Variants in TOP6BL observed in about 807,000 individuals in gnomAD.
The protein encoded by TOP6BL is TOP6B like initiator of meiotic double strand breaks.
At chr11:66,828,305 G>T in the TOP6BL span, 1 of 1,613,716 alleles carries the variant, frequency 6.2e-7, no homozygotes, top group Non-Finnish European at 8.5e-7. Context: ...ACTGCACAAA[G>T]TATTTCGTGA....
the TOP6BL span, among the ~76,000 whole-genome samples, chr11:66,773,494 T>G: frequency 6.6e-6 from 1 of 152,182 alleles, no homozygotes; most frequent in Non-Finnish European, 1.5e-5. Flanking sequence ...TCTAGCAATA[T>G]CCTCTTTCTT....
chr11:66,820,116 G>A, the TOP6BL span, among the ~76,000 whole-genome samples: 1 of 152,110 alleles, frequency 6.6e-6, no homozygotes, highest in African/African-American at 2.4e-5. Context: ...CAACATACCT[G>A]TGAGAGCAGG....
chr11:66,824,836 C>A, the TOP6BL span, among the ~76,000 whole-genome samples: 9 of 152,012 alleles, frequency 5.9e-5, no homozygotes, highest in East Asian at 1.7e-3. Context: ...TTTCTTAATC[C>A]AGTCTATCAT....
chr11:66,813,062 C>G, the TOP6BL span, among the ~76,000 whole-genome samples: 1 of 152,142 alleles, frequency 6.6e-6, no homozygotes, highest in Admixed American at 6.6e-5. Flanking sequence ...TGGAGACAAT[C>G]CGAGGAAGTT....
chr11:66,780,567 TTTTA>T, the TOP6BL span, among the ~76,000 whole-genome samples: 1,220 of 152,166 alleles, frequency 8.0e-3, 20 homozygotes, highest in African/African-American at 0.027. Flanking sequence ...GCTTTATTGT[TTTTA>T]TTTATTTATT....
chr11:66,841,887 C>T, the TOP6BL span, among the ~76,000 whole-genome samples: 5 of 152,140 alleles, frequency 3.3e-5, no homozygotes, highest in African/African-American at 1.2e-4. Flanking sequence ...CCTTTCTCTC[C>T]CTTGTCTGGC....
At chr11:66,834,360 C>T in the TOP6BL span, among the ~76,000 whole-genome samples, 1 of 152,098 alleles carries the variant, frequency 6.6e-6, no homozygotes, top group Non-Finnish European at 1.5e-5. Context: ...TTGAGTAGAA[C>T]CCATGATTCT....
the TOP6BL span, among the ~76,000 whole-genome samples, chr11:66,768,093 G>T: frequency 6.6e-6 from 1 of 152,126 alleles, no homozygotes; most frequent in South Asian, 2.1e-4. Flanking sequence ...TGCCCAGCCT[G>T]TTTATTTTCA....
the TOP6BL span, among the ~76,000 whole-genome samples, chr11:66,769,833 C>T: frequency 3.3e-5 from 5 of 151,894 alleles, no homozygotes; most frequent in South Asian, 6.2e-4. Flanking sequence ...CTCCACCTCC[C>T]GGGTTCATGC....
the TOP6BL span, among the ~76,000 whole-genome samples, chr11:66,787,198 T>G: frequency 6.6e-6 from 1 of 151,968 alleles, no homozygotes; most frequent in African/African-American, 2.4e-5. Flanking sequence ...CCTCCCAAAG[T>G]GCTGGAATTA....
the TOP6BL span, among the ~76,000 whole-genome samples, chr11:66,745,463 G>GTGCTCGGGGAGC: frequency 6.6e-6 from 1 of 152,238 alleles, no homozygotes; most frequent in Non-Finnish European, 1.5e-5. Context: ...GGCCACACCT[G>GTGCTCGGGGAGC]TGCTCGGGGA....
At chr11:66,843,340 T>G in the TOP6BL span, 9 of 1,478,994 alleles carry the variant, frequency 6.1e-6, no homozygotes, top group Non-Finnish European at 8.0e-6. Flanking sequence ...CTTCCGCGTC[T>G]GCTTCCGCGT....
chr11:66,745,744 G>A, the TOP6BL span, among the ~76,000 whole-genome samples: 4 of 152,250 alleles, frequency 2.6e-5, no homozygotes, highest in Non-Finnish European at 4.4e-5. Context: ...TCATAGGCCA[G>A]TGTTCTTTTC....
the TOP6BL span, among the ~76,000 whole-genome samples, chr11:66,748,140 A>G: frequency 2.0e-5 from 3 of 152,086 alleles, no homozygotes; most frequent in African/African-American, 4.8e-5. Context: ...TATTGTCTCA[A>G]TTTCCTGTCT....
At chr11:66,791,726 T>C in the TOP6BL span, among the ~76,000 whole-genome samples, 1 of 152,118 alleles carries the variant, frequency 6.6e-6, no homozygotes, top group East Asian at 1.9e-4. Flanking sequence ...ATTCACTGCT[T>C]CTGTAGGTAT....
the TOP6BL span, among the ~76,000 whole-genome samples, chr11:66,752,416 A>G: frequency 2.0e-5 from 3 of 151,830 alleles, no homozygotes; most frequent in Non-Finnish European, 4.4e-5. Context: ...TCTGTATGTG[A>G]CCTGTTTTTT....
chr11:66,843,480 C>A, the TOP6BL span: 1 of 1,466,792 alleles, frequency 6.8e-7, no homozygotes, highest in Non-Finnish European at 8.9e-7. Flanking sequence ...CGGGGATGGG[C>A]TGCGACTGCT....
the TOP6BL span, among the ~76,000 whole-genome samples, chr11:66,836,863 G>A: frequency 6.6e-5 from 10 of 151,526 alleles, no homozygotes; most frequent in Admixed American, 6.6e-4. Context: ...ACCACGCCTG[G>A]CTAATTTTTG....
At chr11:66,776,896 C>A in the TOP6BL span, among the ~76,000 whole-genome samples, 1 of 151,984 alleles carries the variant, frequency 6.6e-6, no homozygotes, top group African/African-American at 2.4e-5. Flanking sequence ...CAAAAAAATA[C>A]AAAAATTAGC....
Sources: allele counts gnomAD v4.1 joint callset (sites outside exome capture counted in the v4.1 genomes callset), GRCh38; gene constraint gnomAD v4.1.1; transcripts MANE v1.5; gene names NCBI Gene and HGNC (gene_info 2026-07-23, HGNC 2026-07-21).